The following PFKL variants were observed in gnomAD, a reference collection of about 807,000 sequenced individuals.
PFKL encodes phosphofructokinase, liver type.
Under a neutral mutation model 92.1 loss-of-function variants are expected in PFKL, and 74 were observed. The ratio of observed to expected loss-of-function variants is 0.80; its 90% CI spans 0.67 to 0.97. PFKL has a LOEUF of 0.97. PFKL is among the 50% of genes least tolerant of loss of function. PFKL has a pLI of 0.00. For missense variants in PFKL, 1,028 were observed against 1,116.6 expected, an observed-to-expected ratio of 0.92 and a Z score of 1.13; for synonymous variants, 494 against 456.4, an observed-to-expected ratio of 1.08 and a Z score of -1.05.
intron 1 of PFKL, chr21:44,304,555 G>A: frequency 1.8e-6 from 2 of 1,130,474 alleles, no homozygotes; most frequent in Non-Finnish European, 2.2e-6. Flanking sequence ...CTCCCTCACT[G>A]CCCCCAACTC....
At chr21:44,324,413 C>A (rs1179266491) in intron 16 of PFKL, 78 bp from the exon 17 acceptor site, 3 of 1,488,440 alleles carry the variant, frequency 2.0e-6, no homozygotes, top group African/African-American at 1.4e-5. Flanking sequence ...CACAGGGCTC[C>A]CTGCAGGGTA....
Position 44,324,907 on chromosome 21 carries a change from C to T in PFKL, c.1867C>T (p.Leu623=), listed in dbSNP as rs766841769. 7 of 1,606,912 alleles carry T rather than the reference C, an allele frequency of 4.4e-6. No homozygotes were observed. Among genetic ancestry groups the T allele is most frequent in the Non-Finnish European group, 5.9e-6 (7 of 1,177,082 alleles). Residue 623 remains leucine, a synonymous_variant, in exon 18 of 22, where the codon CTG becomes TTG. Transcript: ENST00000349048. ...EKMKTDIQRG[L]VLRNEKCHDY... Reference sequence around the variant, plus strand: ...GATGAAGACAGACATTCAGAGGGGCCTGGTGCTGCGGTGAGGCTGCCGTGG... The same window carrying T: ...GATGAAGACAGACATTCAGAGGGGCTTGGTGCTGCGGTGAGGCTGCCGTGG...
intron 1 of PFKL, among the ~76,000 whole-genome samples, chr21:44,303,609 C>T (rs1420865474): frequency 1.3e-5 from 2 of 152,044 alleles, no homozygotes; most frequent in Admixed American, 6.6e-5. Context: ...TTCCTGTTAT[C>T]GCAGGTGAGG....
chr21:44,324,289 G>A (rs1568971134), intron 16 of PFKL: 1 of 609,906 alleles, frequency 1.6e-6, no homozygotes, highest in Non-Finnish European at 2.9e-6. Context: ...GTGCCCTGGG[G>A]GGTGGGGTCG....
At chr21:44,300,652 C>A (rs1170369911) in intron 1 of PFKL, among the ~76,000 whole-genome samples, 2 of 152,240 alleles carry the variant, frequency 1.3e-5, no homozygotes, top group African/African-American at 4.8e-5. Context: ...ACTCCCGGAC[C>A]GCGCCTCCTC....
chr21:44,305,210 C>T (rs1378635657), intron 1 of PFKL: 3 of 1,251,060 alleles, frequency 2.4e-6, no homozygotes, highest in Non-Finnish European at 3.1e-6. Context: ...GGCAGATACT[C>T]TGGCTGCTAC....
chr21:44,322,096 T>C, intron 13 of PFKL, 37 bp from the exon 14 acceptor site: 2 of 1,584,016 alleles, frequency 1.3e-6, no homozygotes, highest in Non-Finnish European at 8.6e-7. Flanking sequence ...GGCCAGAGGC[T>C]CAGGCTGGCC....
At chr21:44,302,403 A>G (rs1429676011) in intron 1 of PFKL, among the ~76,000 whole-genome samples, 1 of 152,212 alleles carries the variant, frequency 6.6e-6, no homozygotes, top group African/African-American at 2.4e-5. Context: ...AGGAACTGAC[A>G]TTCTGGGCAG....
At chr21:44,303,589 G>C (rs2040842287) in intron 1 of PFKL, among the ~76,000 whole-genome samples, 1 of 152,072 alleles carries the variant, frequency 6.6e-6, no homozygotes, top group Non-Finnish European at 1.5e-5. Context: ...TGGTGTGTTT[G>C]GACGTTGGTT....
chr21:44,314,671 T>C (rs1453104137), intron 7 of PFKL: 2 of 152,246 alleles, frequency 1.3e-5, no homozygotes, highest in Admixed American at 6.5e-5. Flanking sequence ...TGGGGTGGAG[T>C]TGGGGGCTCT....
Position 44,317,895 on chromosome 21 carries a change from G to T in PFKL, c.937-575G>T, listed in dbSNP as rs567964566. 1.4e-4 allele frequency among the ~76,000 whole-genome samples: 21 copies of T among 152,324 alleles called. No homozygotes were observed. The East Asian group carries it at 1.5e-3, about 11-fold the overall frequency. ...CACGGAGGGCTGTCTGTGGCCCCGG[G>T]GGTCCAGCTGCTGGGCTTCTACAGG... On this transcript the variant is annotated intron_variant, in intron 9 of 21. Coordinates refer to ENST00000349048, the MANE Select transcript of PFKL (RefSeq NM_002626.6).
rs367776309 is a variant in PFKL at position 44,325,670 on chromosome 21, G to A, written c.1990-291G>A. 2.5e-3 allele frequency: 1,257 copies of A among 509,050 alleles called. 14 individuals are homozygous for A. The highest frequency in any genetic ancestry group is 0.021 in the African/African-American group (1,109 of 52,390). The allele number at this position is 509,050 out of a possible 1,614,324, so 31.5% of individuals were successfully genotyped here. On this transcript the variant is annotated intron_variant, in intron 19 of 21. Transcript: ENST00000349048. Reference sequence around the variant, plus strand: ...GGCTGGGCATGGGGCCCGAGGTGATGGGGCCCGAGGTGGGGCCGCTGGCTG... The same window carrying A: ...GGCTGGGCATGGGGCCCGAGGTGATAGGGCCCGAGGTGGGGCCGCTGGCTG...
chr21:44,309,075 G>C (rs1297375650), intron 2 of PFKL, among the ~76,000 whole-genome samples: 1 of 152,170 alleles, frequency 6.6e-6, no homozygotes, highest in Non-Finnish European at 1.5e-5. Context: ...TGCATCCTGA[G>C]CTTGGAGGAG....
chr21:44,300,095 C>T lies in PFKL; in HGVS notation c.-11C>T, dbSNP rs1351978877. On this transcript the variant is annotated 5_prime_UTR_variant, in exon 1 of 22. Coordinates refer to ENST00000349048, the MANE Select transcript of PFKL (RefSeq NM_002626.6). Reference sequence around the variant, plus strand: ...GGGAGTGCGAGCTGGGCCCGTGTTTCGGCCGCCGCCATGGCCGCGGTGGAC... The same window carrying T: ...GGGAGTGCGAGCTGGGCCCGTGTTTTGGCCGCCGCCATGGCCGCGGTGGAC... 5.3e-6 allele frequency: 6 copies of T among 1,130,374 alleles called. No individual in the cohort carries two copies. Among genetic ancestry groups the T allele is most frequent in the African/African-American group, 1.7e-5 (1 of 59,492 alleles). The allele number at this position is 1,130,374 out of a possible 1,614,324, so 70.0% of individuals were successfully genotyped here.
chr21:44,313,527 T>C (rs1204700470), intron 5 of PFKL, 111 bp from the exon 6 acceptor site: 1 of 1,015,264 alleles, frequency 9.8e-7, no homozygotes, highest in South Asian at 1.4e-5. Flanking sequence ...GAGAAGGGGC[T>C]GTCCCCTGCC....
chr21:44,318,848 G>A (rs2047282236), intron 10 of PFKL, among the ~76,000 whole-genome samples: 1 of 152,148 alleles, frequency 6.6e-6, no homozygotes, highest in Non-Finnish European at 1.5e-5. Context: ...GGAAGTCACA[G>A]GGGTCCACGG....
At chr21:44,305,827 GGGACAGAC>G in intron 1 of PFKL, 1 of 1,366,888 alleles carries the variant, frequency 7.3e-7, no homozygotes, top group South Asian at 1.1e-5. Context: ...GGCCCCCGCT[GGGACAGAC>G]TGTTTCTTTC....
chr21:44,326,305 G>A (rs775766553), intron 21 of PFKL, 41 bp downstream of exon 21: 2 of 1,465,066 alleles, frequency 1.4e-6, no homozygotes, highest in Admixed American at 1.8e-5. Flanking sequence ...GTGGGGCTGA[G>A]GGGTGGCCCA....
Position 44,323,918 on chromosome 21 carries a change from G to T in PFKL, c.1650G>T (p.Glu550Asp), listed in dbSNP as rs769134071. Residue 550 changes from glutamate (E) to aspartate (D), a missense_variant and splice_region_variant, in exon 16 of 22, where the codon GAG becomes GAT. By Grantham distance (45) the Glu-to-Asp change is conservative. Transcript: ENST00000349048. Reference sequence around the variant, plus strand: ...ACACTGCTGTAAATGCCGCCATGGAGGTACGGGGCTCCTGGACACCGGCCT... The same window carrying T: ...ACACTGCTGTAAATGCCGCCATGGATGTACGGGGCTCCTGGACACCGGCCT... ...GSDTAVNAAM[E>D]SCDRIKQSAS... 8.1e-6 allele frequency: 13 copies of T among 1,613,282 alleles called. No homozygotes were observed. The highest frequency in any genetic ancestry group is 1.1e-5 in the Non-Finnish European group (13 of 1,179,928).
Sources: allele counts gnomAD v4.1 joint callset (sites outside exome capture counted in the v4.1 genomes callset), GRCh38; gene constraint gnomAD v4.1.1; transcripts MANE v1.5; gene names NCBI Gene and HGNC (gene_info 2026-07-23, HGNC 2026-07-21).